EYS: variants seen among roughly 807,000 people sequenced by gnomAD.
EYS encodes the protein protein eyes shut homolog.
A neutral mutation model predicts 282.1 loss-of-function variants in EYS; 250 were observed. The observed-to-expected ratio is 0.89, with a 90% CI of 0.80 to 0.98. EYS has a LOEUF of 0.98. Ranked by LOEUF, EYS falls within the 50% of genes least tolerant of loss-of-function variation. EYS has a pLI of 0.00. For synonymous variants in EYS, 1,355 were observed against 1,282.9 expected, an observed-to-expected ratio of 1.06 and a Z score of -1.20; for missense variants, 4,016 against 3,709.0, an observed-to-expected ratio of 1.08 and a Z score of -2.15.
intron 15 of EYS, among the ~76,000 whole-genome samples, chr6:64,934,352 A>G (rs1768831379): frequency 6.6e-6 from 1 of 151,906 alleles, no homozygotes. Flanking sequence ...AATGCTTTGA[A>G]AAATTAATGG....
chr6:65,492,348 G>C (rs201423694), intron 4 of EYS, among the ~76,000 whole-genome samples: 90 of 101,478 alleles, frequency 8.9e-4, no homozygotes, highest in African/African-American at 3.2e-3. Flanking sequence ...AACAAACAAA[G>C]AGAAAGAAAG....
intron 35 of EYS, among the ~76,000 whole-genome samples, chr6:63,933,041 C>T (rs1003554192): frequency 2.0e-5 from 3 of 152,084 alleles, no homozygotes; most frequent in African/African-American, 7.2e-5. Context: ...TTATAAAGGA[C>T]ATTACAAAGG....
At chr6:65,076,937 G>A (rs1774071719) in intron 12 of EYS, among the ~76,000 whole-genome samples, 1 of 151,948 alleles carries the variant, frequency 6.6e-6, no homozygotes, top group Non-Finnish European at 1.5e-5. Flanking sequence ...CTCAAACCAG[G>A]CAGAAAACTG....
rs1195400923 is a variant in EYS, at chr6:65,344,028, A to C, written c.1599+10T>G. On this transcript the variant is annotated intron_variant, in intron 10 of 42. Coordinates refer to ENST00000503581, the MANE Select transcript of EYS (RefSeq NM_001142800.2). ...GAAAAATGAAAAGCAACTACATAAA[A>C]TTACCTTACCTCTTTTGTGCCTTCA... 6.2e-7 allele frequency: 1 copy of C among 1,608,134 alleles called. No homozygotes were observed. The highest frequency in any genetic ancestry group is 1.7e-5 in the Admixed American group (1 of 59,702).
At chr6:65,273,881 C>A (rs1325403310) in intron 12 of EYS, among the ~76,000 whole-genome samples, 11 of 152,152 alleles carry the variant, frequency 7.2e-5, no homozygotes, top group Admixed American at 7.2e-4. Context: ...TCCTGTTCTC[C>A]ATATTGGTCT....
chr6:65,243,715 T>A (rs928933498), intron 12 of EYS, among the ~76,000 whole-genome samples: 1 of 151,902 alleles, frequency 6.6e-6, no homozygotes, highest in Non-Finnish European at 1.5e-5. Context: ...TCTAGCCCAA[T>A]CAACATAGCG....
chr6:65,410,987 A>T (rs1410241824), intron 5 of EYS, among the ~76,000 whole-genome samples: 1 of 151,974 alleles, frequency 6.6e-6, no homozygotes, highest in Non-Finnish European at 1.5e-5. Context: ...ATTTTTCTAG[A>T]TGTTAAGCAA....
intron 2 of EYS, among the ~76,000 whole-genome samples, chr6:65,506,009 T>C (rs920970842): frequency 4.6e-5 from 7 of 152,184 alleles, no homozygotes; most frequent in Non-Finnish European, 7.3e-5. Context: ...GTGGGTTTTC[T>C]CTTATTCCTG....
chr6:63,758,206 T>C (rs1769540403), intron 41 of EYS, among the ~76,000 whole-genome samples: 1 of 152,128 alleles, frequency 6.6e-6, no homozygotes, highest in Non-Finnish European at 1.5e-5. Flanking sequence ...CCTGGCTGAG[T>C]ATTGTTGTTG....
intron 14 of EYS, among the ~76,000 whole-genome samples, chr6:64,970,357 C>T (rs181251026): frequency 3.0e-4 from 45 of 152,086 alleles, no homozygotes; most frequent in Non-Finnish European, 5.9e-4. Flanking sequence ...GCTCCTATGC[C>T]CGGCTAATTT....
chr6:65,247,406 C>T (rs775877040), intron 12 of EYS, among the ~76,000 whole-genome samples: 16 of 152,114 alleles, frequency 1.1e-4, no homozygotes, highest in Non-Finnish European at 2.4e-4. Context: ...TAATCTTTTA[C>T]CCTGCTGTAT....
At chr6:65,540,244 C>A (rs367902610) in intron 2 of EYS, among the ~76,000 whole-genome samples, 2 of 152,108 alleles carry the variant, frequency 1.3e-5, no homozygotes, top group East Asian at 3.9e-4. Flanking sequence ...GAAAATGGAA[C>A]AAACTCTCTA....
chr6:63,826,006 G>A (rs1771450028), intron 36 of EYS, among the ~76,000 whole-genome samples: 1 of 152,178 alleles, frequency 6.6e-6, no homozygotes. Flanking sequence ...GATACAAGTA[G>A]TGAAGGGAGA....
At chr6:64,054,982 T>A (rs1369963532) in intron 33 of EYS, among the ~76,000 whole-genome samples, 1 of 152,204 alleles carries the variant, frequency 6.6e-6, no homozygotes, top group Non-Finnish European at 1.5e-5. Flanking sequence ...CACTTATTTA[T>A]CCACCTCACA....
chr6:64,420,461 A>T (rs895343556), intron 28 of EYS, among the ~76,000 whole-genome samples: 2 of 150,186 alleles, frequency 1.3e-5, no homozygotes, highest in Admixed American at 1.3e-4. Context: ...AGCAGGCTTG[A>T]ATTTCTCCCC....
In EYS at chr6:65,407,490, A is replaced by G. The variant is rs1002748036; in HGVS notation, c.863-2123T>C. 5.3e-5 allele frequency among the ~76,000 whole-genome samples: 8 copies of G among 152,130 alleles called. No individual in the cohort carries two copies. In the East Asian group the frequency reaches 1.6e-3, roughly 29 times the overall value. On this transcript the variant is annotated intron_variant, in intron 5 of 42. Transcript: ENST00000503581. ...AGGCTGGTCTCGAACTCCTGACCTC[A>G]TGATCTGCCCGTCTCGGCCTCCCAA...
chr6:65,349,650 A>C (rs2150324276), intron 9 of EYS, among the ~76,000 whole-genome samples: 1 of 151,624 alleles, frequency 6.6e-6, no homozygotes, highest in East Asian at 1.9e-4. Flanking sequence ...TACCTCATAT[A>C]GTTATCATGT....
intron 37 of EYS, among the ~76,000 whole-genome samples, chr6:63,798,853 T>C (rs1374504920): frequency 6.6e-6 from 1 of 151,546 alleles, no homozygotes; most frequent in Non-Finnish European, 1.5e-5. Context: ...GCATAGAAGA[T>C]CTACATGCTG....
Position 65,353,442 on chromosome 6 carries a change from T to C in EYS, c.1459+16A>G, listed in dbSNP as rs1295085535. 1.9e-6 allele frequency: 3 copies of C among 1,611,868 alleles called. No homozygotes were observed. Among genetic ancestry groups the C allele is most frequent in the Admixed American group, 3.3e-5 (2 of 59,974 alleles). ...ATGATTCAAGCAGATTGAAAAAAAT[T>C]ACATAAATTTGTTACCTGCAAATCC... On this transcript the variant is annotated intron_variant, in intron 9 of 42. Coordinates refer to ENST00000503581, the MANE Select transcript of EYS (RefSeq NM_001142800.2).
Sources: allele counts gnomAD v4.1 joint callset (sites outside exome capture counted in the v4.1 genomes callset), GRCh38; gene constraint gnomAD v4.1.1; transcripts MANE v1.5; gene names NCBI Gene and HGNC (gene_info 2026-07-23, HGNC 2026-07-21).